The following SPIDR variants were observed in gnomAD, a reference collection of about 807,000 sequenced individuals.
SPIDR encodes scaffold protein involved in DNA repair.
In SPIDR, 93 loss-of-function variants were observed where a neutral mutation model predicts 104.6. The ratio of observed to expected loss-of-function variants is 0.89; its 90% CI spans 0.75 to 1.06. SPIDR has a LOEUF of 1.06. Among genes scored for constraint, SPIDR ranks in the 50% least tolerant of loss-of-function variants. SPIDR has a pLI of 0.00. For missense variants in SPIDR, 1,154 were observed against 1,111.2 expected (o/e 1.04, Z -0.55); for synonymous variants, 431 against 416.9 (o/e 1.03, Z -0.41).
intron 8 of SPIDR, among the ~76,000 whole-genome samples, chr8:47,589,936 G>A (rs2060786806): frequency 6.6e-6 from 1 of 152,034 alleles, no homozygotes; most frequent in Non-Finnish European, 1.5e-5. Flanking sequence ...GAGAGGCTGG[G>A]GTGGGTGGAT....
intron 5 of SPIDR, among the ~76,000 whole-genome samples, chr8:47,303,726 A>G (rs1554579720): frequency 6.6e-6 from 1 of 152,192 alleles, no homozygotes; most frequent in Non-Finnish European, 1.5e-5. Context: ...CATGTGAATG[A>G]TCCTTTTAAT....
Position 47,359,114 on chromosome 8 carries a change from C to T in SPIDR, c.526-37262C>T, listed in dbSNP as rs908933515. On this transcript the variant is annotated intron_variant, in intron 5 of 19. Transcript: ENST00000297423. Reference sequence around the variant, plus strand: ...TGTTAAAAAAAAAAGTTTTTTTTTACGGGCGCCTGTAGTCCCAGCTACTCG... The same window carrying T: ...TGTTAAAAAAAAAAGTTTTTTTTTATGGGCGCCTGTAGTCCCAGCTACTCG... Among the ~76,000 whole-genome samples the T allele has an allele frequency of 2.6e-5, 4 of 151,414 alleles. No individual in the cohort carries two copies. The South Asian group carries it at 6.3e-4, about 24-fold the overall frequency.
chr8:47,359,815 T>C (rs546752973), intron 5 of SPIDR, among the ~76,000 whole-genome samples: 1 of 152,312 alleles, frequency 6.6e-6, no homozygotes, highest in East Asian at 1.9e-4. Context: ...TCTTAAAAAA[T>C]GGGATACTTC....
chr8:47,276,552 A>G (rs1330154816), intron 1 of SPIDR, among the ~76,000 whole-genome samples: 1 of 152,250 alleles, frequency 6.6e-6, no homozygotes, highest in Non-Finnish European at 1.5e-5. Context: ...TACAGTAACC[A>G]AGGGGAAACA....
chr8:47,537,367 T>C (rs1237211905), intron 8 of SPIDR, among the ~76,000 whole-genome samples: 2 of 152,060 alleles, frequency 1.3e-5, no homozygotes, highest in Admixed American at 6.6e-5. Context: ...ATCCACACAA[T>C]AGAATATTAC....
chr8:47,432,089 T>C (rs1750834766), intron 7 of SPIDR, among the ~76,000 whole-genome samples: 1 of 152,216 alleles, frequency 6.6e-6, no homozygotes, highest in Non-Finnish European at 1.5e-5. Context: ...AATAACACAA[T>C]CAATACTTTA....
intron 11 of SPIDR, among the ~76,000 whole-genome samples, chr8:47,675,985 G>A (rs1057428791): frequency 6.6e-6 from 1 of 152,244 alleles, no homozygotes; most frequent in Admixed American, 6.5e-5. Flanking sequence ...TGTTCCAGCT[G>A]TGCTCCAGGC....
intron 5 of SPIDR, among the ~76,000 whole-genome samples, chr8:47,310,561 GATAGAATGGT>G (rs1563563905): frequency 6.6e-6 from 1 of 152,186 alleles, no homozygotes; most frequent in Non-Finnish European, 1.5e-5. Flanking sequence ...ACATTTGGAA[GATAGAATGGT>G]ATAAGATGAG....
chr8:47,731,959 A>G (rs541096604), intron 19 of SPIDR, among the ~76,000 whole-genome samples: 58 of 152,336 alleles, frequency 3.8e-4, no homozygotes, highest in African/African-American at 1.3e-3. Context: ...CAACCTCAAC[A>G]GATTCAACCA....
At chr8:47,644,987 T>G (rs1203919170) in intron 10 of SPIDR, among the ~76,000 whole-genome samples, 1 of 152,130 alleles carries the variant, frequency 6.6e-6, no homozygotes, top group Non-Finnish European at 1.5e-5. Flanking sequence ...GTACCTGGGA[T>G]GTAGAGATGT....
intron 11 of SPIDR, among the ~76,000 whole-genome samples, chr8:47,675,329 C>T (rs559509028): frequency 1.3e-5 from 2 of 152,350 alleles, no homozygotes; most frequent in South Asian, 4.1e-4. Context: ...AGCTACCACG[C>T]CCGGCCAGCT....
At chr8:47,330,203 T>A (rs576449582) in intron 5 of SPIDR, among the ~76,000 whole-genome samples, 1 of 152,166 alleles carries the variant, frequency 6.6e-6, no homozygotes, top group African/African-American at 2.4e-5. Flanking sequence ...AAGGTGCTTT[T>A]TTTTTTTAAA....
chr8:47,590,763 A>C (rs562869192), intron 8 of SPIDR, among the ~76,000 whole-genome samples: 2 of 152,108 alleles, frequency 1.3e-5, no homozygotes, highest in Non-Finnish European at 2.9e-5. Context: ...CTGCAATTCT[A>C]ATTGTGGATT....
intron 8 of SPIDR, among the ~76,000 whole-genome samples, chr8:47,506,094 G>A (rs548688808): frequency 2.8e-4 from 42 of 152,206 alleles, no homozygotes; most frequent in African/African-American, 8.9e-4. Flanking sequence ...TTTGTTTCTT[G>A]TAATGCTACA....
At chr8:47,611,559 A>C (rs553447375) in intron 10 of SPIDR, among the ~76,000 whole-genome samples, 1 of 152,038 alleles carries the variant, frequency 6.6e-6, no homozygotes, top group East Asian at 1.9e-4. Context: ...TTAGCCAGGC[A>C]TGGTGGCTGG....
intron 11 of SPIDR, among the ~76,000 whole-genome samples, chr8:47,697,309 TAAAAAC>T (rs2079474797): frequency 6.6e-6 from 1 of 151,670 alleles, no homozygotes. Context: ...AGAAAAAAGA[TAAAAAC>T]AACACTTATA....
At chr8:47,653,353 A>G (rs913941164) in intron 10 of SPIDR, among the ~76,000 whole-genome samples, 2 of 152,152 alleles carry the variant, frequency 1.3e-5, no homozygotes, top group African/African-American at 2.4e-5. Flanking sequence ...AGGCATGGGA[A>G]AGTAGGAATA....
chr8:47,335,440 TTTTG>T (rs1311304434), intron 5 of SPIDR, among the ~76,000 whole-genome samples: 2 of 152,140 alleles, frequency 1.3e-5, no homozygotes, highest in East Asian at 1.9e-4. Context: ...TTATGTGGTT[TTTTG>T]TTTGTTTGTT....
At chr8:47,681,801 G>T (rs1203463201) in intron 11 of SPIDR, among the ~76,000 whole-genome samples, 2 of 152,120 alleles carry the variant, frequency 1.3e-5, no homozygotes, top group Non-Finnish European at 2.9e-5. Context: ...TAAGAACAAT[G>T]AAGAAAATCA....
Sources: gnomAD v4.1 joint callset for allele counts (sites outside exome capture counted in the v4.1 genomes callset) on GRCh38, gnomAD v4.1.1 for gene constraint, MANE v1.5 for transcripts, NCBI Gene and HGNC (gene_info 2026-07-23, HGNC 2026-07-21) for gene names.